The following EFNA5 variants were observed in gnomAD, a reference collection of about 807,000 sequenced individuals.
EFNA5 encodes the protein ephrin-A5.
In EFNA5, 5 loss-of-function variants were observed where a neutral mutation model predicts 22.9. The observed-to-expected ratio is 0.22, with a 90% CI of 0.11 to 0.46. EFNA5 has a LOEUF of 0.46. EFNA5 is among the 20% of genes least tolerant of loss of function. EFNA5 has a pLI of 0.99. For synonymous variants in EFNA5, 113 were observed against 112.2 expected (o/e 1.01, Z -0.04); for missense variants, 237 against 293.3 (o/e 0.81, Z 1.40).
intron 1 of EFNA5, among the ~76,000 whole-genome samples, chr5:107,587,363 C>T (rs534349611): frequency 6.6e-6 from 1 of 152,054 alleles, no homozygotes; most frequent in Non-Finnish European, 1.5e-5. Context: ...TACTTGTATG[C>T]TGGGAAAAAA....
At chr5:107,611,053 T>G (rs1049853838) in intron 1 of EFNA5, among the ~76,000 whole-genome samples, 8 of 152,120 alleles carry the variant, frequency 5.3e-5, no homozygotes, top group Non-Finnish European at 1.5e-5. Context: ...TGATATTCTG[T>G]CTCAAATCAT....
intron 1 of EFNA5, among the ~76,000 whole-genome samples, chr5:107,552,159 G>C (rs1454259211): frequency 6.6e-6 from 1 of 152,106 alleles, no homozygotes; most frequent in Non-Finnish European, 1.5e-5. Context: ...TGCAAAACAT[G>C]ACCAGGGCTC....
At chr5:107,430,774 CTTTTTT>C (rs869266799) in intron 1 of EFNA5, among the ~76,000 whole-genome samples, 33 of 20,314 alleles carry the variant, frequency 1.6e-3, no homozygotes, top group South Asian at 6.9e-3. Flanking sequence ...TTCTTTCTTT[CTTTTTT>C]TTTTTTTTTT....
chr5:107,434,304 C>T lies in EFNA5; in HGVS notation c.126-6795G>A, dbSNP rs534334153. ...TTTCTTCCTTATGATTTTCATGGTG[C>T]CGACCTGACTTCCTCCTGGACCCCA... On this transcript the variant is annotated intron_variant, in intron 1 of 4. Coordinates refer to ENST00000333274, the MANE Select transcript of EFNA5 (RefSeq NM_001962.3). Among the ~76,000 whole-genome samples the T allele has an allele frequency of 9.2e-5, 14 of 152,242 alleles. No individual in the cohort carries two copies. In the South Asian group the frequency reaches 2.5e-3, roughly 27 times the overall value.
At chr5:107,385,260 T>C (rs1314097063) in intron 4 of EFNA5, among the ~76,000 whole-genome samples, 2 of 152,148 alleles carry the variant, frequency 1.3e-5, no homozygotes, top group Non-Finnish European at 2.9e-5. Flanking sequence ...GTATCGTTAG[T>C]GGAATTCAAA....
intron 1 of EFNA5, among the ~76,000 whole-genome samples, chr5:107,480,914 C>T (rs1181808954): frequency 6.6e-6 from 1 of 152,064 alleles, no homozygotes; most frequent in African/African-American, 2.4e-5. Flanking sequence ...AACAAAGAGA[C>T]AGCTTTATAT....
chr5:107,589,762 T>C (rs1180951502), intron 1 of EFNA5, among the ~76,000 whole-genome samples: 1 of 152,212 alleles, frequency 6.6e-6, no homozygotes, highest in Non-Finnish European at 1.5e-5. Context: ...ATTATTGATG[T>C]TGATTCTGGA....
intron 1 of EFNA5, among the ~76,000 whole-genome samples, chr5:107,536,038 T>C (rs183225809): frequency 5.8e-4 from 89 of 152,328 alleles, no homozygotes; most frequent in African/African-American, 2.0e-3. Context: ...CACTCATCAG[T>C]GGCAGGAACC....
intron 1 of EFNA5, among the ~76,000 whole-genome samples, chr5:107,432,520 A>C (rs2075513062): frequency 6.6e-6 from 1 of 152,212 alleles, no homozygotes; most frequent in Admixed American, 6.5e-5. Context: ...AACTATAAGA[A>C]TTTCTGGCTG....
Position 107,670,658 on chromosome 5 carries a change from G to A in EFNA5, c.-45C>T, listed in dbSNP as rs1215191624. The stretch of plus-strand genomic sequence containing the variant: ...AGCCCCCGACGCGCCACTCCGGGGA[G>A]AGAGCGGGGATCCGGAGGGAGGGAG... On this transcript the variant is annotated 5_prime_UTR_variant, in exon 1 of 5. Transcript: ENST00000333274. 6.3e-7 allele frequency: 1 copy of A among 1,584,908 alleles called. No homozygotes were observed. Among genetic ancestry groups the A allele is most frequent in the Non-Finnish European group, 8.6e-7 (1 of 1,166,394 alleles).
intron 1 of EFNA5, among the ~76,000 whole-genome samples, chr5:107,650,222 A>G (rs542447175): frequency 6.6e-6 from 1 of 152,354 alleles, no homozygotes; most frequent in Non-Finnish European, 1.5e-5. Context: ...ATGTTTGCAG[A>G]CACGCAATTC....
At chr5:107,422,008 C>T (rs1258594446) in intron 2 of EFNA5, among the ~76,000 whole-genome samples, 1 of 152,148 alleles carries the variant, frequency 6.6e-6, no homozygotes, top group African/African-American at 2.4e-5. Context: ...TCAGGCTGGT[C>T]TTGAACTCAC....
intron 2 of EFNA5, 33 bp from the exon 3 acceptor site, chr5:107,387,804 A>T: frequency 6.8e-7 from 1 of 1,477,804 alleles, no homozygotes; most frequent in East Asian, 2.3e-5. Context: ...GCAGGAAAGA[A>T]AGAAGAGAAC....
At chr5:107,414,982 T>C (rs1268830219) in intron 2 of EFNA5, among the ~76,000 whole-genome samples, 1 of 152,192 alleles carries the variant, frequency 6.6e-6, no homozygotes, top group African/African-American at 2.4e-5. Flanking sequence ...TGAACACTGC[T>C]TTTCACACAT....
At chr5:107,650,153 T>C (rs1483049876) in intron 1 of EFNA5, among the ~76,000 whole-genome samples, 2 of 152,148 alleles carry the variant, frequency 1.3e-5, no homozygotes, top group African/African-American at 4.8e-5. Context: ...AATTAGAAGA[T>C]GGGGTAACAA....
chr5:107,547,204 G>A (rs1422358347), intron 1 of EFNA5, among the ~76,000 whole-genome samples: 1 of 152,174 alleles, frequency 6.6e-6, no homozygotes, highest in Non-Finnish European at 1.5e-5. Flanking sequence ...TTGGAATGCA[G>A]TAGAAATAGC....
At chr5:107,653,949 G>A (rs1274751001) in intron 1 of EFNA5, among the ~76,000 whole-genome samples, 3 of 152,044 alleles carry the variant, frequency 2.0e-5, no homozygotes, top group Admixed American at 6.6e-5. Flanking sequence ...CAAACTCCAC[G>A]ACTGAATTCC....
intron 1 of EFNA5, among the ~76,000 whole-genome samples, chr5:107,507,940 C>T (rs1170852383): frequency 6.6e-6 from 1 of 152,156 alleles, no homozygotes. Context: ...TGGGCTGGTG[C>T]ATGCTTAGAA....
intron 1 of EFNA5, among the ~76,000 whole-genome samples, chr5:107,465,063 C>CA (rs1200281112): frequency 6.8e-6 from 1 of 147,418 alleles, no homozygotes; most frequent in African/African-American, 2.5e-5. Context: ...CTGTGTGAGG[C>CA]TTTTTTTTTT....
Sources: gnomAD v4.1 joint callset for allele counts (sites outside exome capture counted in the v4.1 genomes callset) on GRCh38, gnomAD v4.1.1 for gene constraint, MANE v1.5 for transcripts, NCBI Gene and HGNC (gene_info 2026-07-23, HGNC 2026-07-21) for gene names.